The following DHX33 variants were observed in gnomAD, a reference collection of about 807,000 sequenced individuals.
DHX33 encodes DEAH-box helicase 33.
In DHX33, 42 loss-of-function variants were observed where a neutral mutation model predicts 72.5. That is an observed-to-expected ratio of 0.58 (90% CI 0.45 to 0.75). The LOEUF is 0.75. Among genes scored for constraint, DHX33 ranks in the 30% least tolerant of loss-of-function variants. The pLI, the probability that DHX33 is intolerant of heterozygous loss-of-function variation, is 0.00. For missense variants in DHX33, 842 were observed against 917.5 expected, an observed-to-expected ratio of 0.92 and a Z score of 1.06; for synonymous variants, 358 against 366.1, an observed-to-expected ratio of 0.98 and a Z score of 0.25.
intron 4 of DHX33, 44 bp downstream of exon 4, chr17:5,460,895 A>C: frequency 6.3e-7 from 1 of 1,577,692 alleles, no homozygotes; most frequent in Non-Finnish European, 8.6e-7. Context: ...TACCAACTGC[A>C]AGATAAAAGA....
chr17:5,445,369 G>A (rs1367365902), intron 11 of DHX33, among the ~76,000 whole-genome samples: 2 of 152,124 alleles, frequency 1.3e-5, no homozygotes, highest in African/African-American at 2.4e-5. Context: ...GTGAGCCACC[G>A]CGCCCGGCCT....
intron 4 of DHX33, 71 bp from the exon 5 acceptor site, chr17:5,456,253 G>T: frequency 1.4e-6 from 2 of 1,453,106 alleles, no homozygotes; most frequent in Non-Finnish European, 9.5e-7. Context: ...AGACAATGGT[G>T]ATTGATGATG....
At chr17:5,454,173 T>A (rs1006851736) in intron 6 of DHX33, among the ~76,000 whole-genome samples, 193 bp from the exon 7 acceptor site, 8 of 152,208 alleles carry the variant, frequency 5.3e-5, no homozygotes, top group Non-Finnish European at 8.8e-5. Flanking sequence ...GGCTTTGCCA[T>A]AAGCCCACTG....
In DHX33 at chr17:5,456,191, A is replaced by C. The variant is rs779361995; in HGVS notation, c.850-9T>G. The C allele has an allele frequency of 1.9e-6, 3 of 1,613,198 alleles. No individual in the cohort carries two copies. The African/African-American group carries it at 4.0e-5, about 22-fold the overall frequency. On this transcript the variant is annotated splice_polypyrimidine_tract_variant and intron_variant, in intron 4 of 11. Coordinates refer to ENST00000225296, the MANE Select transcript of DHX33 (RefSeq NM_020162.4). ...TGTGAAGAAGGGGCTTCCTGTAAAA[A>C]AAGTAGAGTGGGTTTACTAGGCATT...
chr17:5,461,798 C>T (rs1438291432), intron 3 of DHX33, among the ~76,000 whole-genome samples: 1 of 151,336 alleles, frequency 6.6e-6, no homozygotes, highest in East Asian at 2.0e-4. Flanking sequence ...ATCCACCGGC[C>T]TCGGCCTCCC....
rs1917131996 is a variant in DHX33, at chr17:5,455,158, A to C, written c.1147+2T>G. The C allele has an allele frequency of 6.8e-6, 11 of 1,611,282 alleles. No individual in the cohort carries two copies. The highest frequency in any genetic ancestry group is 9.3e-6 in the Non-Finnish European group (11 of 1,177,410). On this transcript the variant is annotated splice_donor_variant, in intron 6 of 11. Transcript: ENST00000225296. LOFTEE classifies it high-confidence loss of function. ...AGACATTCATGAACTACAAATTCTCACCAGGGTTATACTTCTTTGCTTTAA... is the reference window on the plus strand; with the variant it reads ...AGACATTCATGAACTACAAATTCTCCCCAGGGTTATACTTCTTTGCTTTAA...
chr17:5,445,593 GAACA>G (rs1249375546), intron 11 of DHX33, among the ~76,000 whole-genome samples: 1 of 152,224 alleles, frequency 6.6e-6, no homozygotes, highest in Non-Finnish European at 1.5e-5. Context: ...GGGCACAGAT[GAACA>G]AACCAGTGGT....
At position 5,468,770 on chromosome 17, in the gene DHX33, C is replaced by A. The variant is rs1453825625; in HGVS notation, c.90G>T (p.Arg30Ser). Reference sequence around the variant, plus strand: ...CCGCAGTCAGCAGCATCACCACTTGCCTCCCGGGAGGGAAGGACCCAGCGC... The same window carrying A: ...CCGCAGTCAGCAGCATCACCACTTGACTCCCGGGAGGGAAGGACCCAGCGC... The part of the protein sequence containing the change: ...PSRAGSFPPG[R>S]QVVMLLTAGS... The change falls in exon 1 of 12, where the codon AGG (arginine) becomes AGT (serine). Residue 30 changes from arginine to serine, a missense_variant. By Grantham distance (110) the Arg-to-Ser change is moderately radical. Transcript: ENST00000225296. 1 of 1,609,972 alleles carries A rather than the reference C, an allele frequency of 6.2e-7. No homozygotes were observed. The highest frequency in any genetic ancestry group is 2.2e-5 in the East Asian group (1 of 44,806).
chr17:5,445,917 T>C (rs1396960278), intron 11 of DHX33, among the ~76,000 whole-genome samples: 2 of 152,180 alleles, frequency 1.3e-5, no homozygotes, highest in Non-Finnish European at 2.9e-5. Context: ...CTTTATTTTG[T>C]CCTTTATGAT....
rs760878482 is a variant in DHX33 at position 5,450,812 on chromosome 17, C to A, written c.1519G>T (p.Ala507Ser). The A allele has an allele frequency of 1.1e-5, 18 of 1,614,014 alleles. No homozygotes were observed. Among genetic ancestry groups the A allele is most frequent in the Non-Finnish European group, 1.5e-5 (18 of 1,180,030 alleles). ...MAAFPLEPKF[A>S]KTILMSPKFH... ...GAGGAGAGGGTATCATTTACTTTGG[C>A]AAATTTGGGTTCTAAAGGAAATGCT... Residue 507 changes from alanine (A) to serine (S), a missense_variant, in exon 9 of 12, where the codon GCC becomes TCC. Transcript: ENST00000225296.
At position 5,456,078 on chromosome 17, in the gene DHX33, G is replaced by C; in HGVS notation, c.954C>G (p.Gly318=). 1 of 1,613,948 alleles carries C rather than the reference G, an allele frequency of 6.2e-7. No homozygotes were observed. The highest frequency in any genetic ancestry group is 8.5e-7 in the Non-Finnish European group (1 of 1,180,044). ...CRDIAKHLPD[G]CPAMLVLPLY... The stretch of plus-strand genomic sequence containing the variant: ...GAGGAAGGACCAGCATCGCAGGGCA[G>C]CCGTCTGGGAGGTGCTTTGCAATGT... Residue 318 remains glycine, a synonymous_variant, in exon 5 of 12, where the codon GGC becomes GGG. Transcript: ENST00000225296.
At position 5,441,147 on chromosome 17, in the gene DHX33, ACAGTTCCAGG is replaced by A. The variant is rs551989885; in HGVS notation, c.*3048_*3057del. On this transcript the variant is annotated 3_prime_UTR_variant, in exon 12 of 12. Transcript: ENST00000225296. Reference sequence around the variant, plus strand: ...TAAAGAAAAAAAAAAATGCATGGCCACAGTTCCAGGCAGTTCCTGGTAGCTGGATTTAGTG... The same window carrying A: ...TAAAGAAAAAAAAAAATGCATGGCCACAGTTCCTGGTAGCTGGATTTAGTG... The A allele has an allele frequency of 4.2e-5, 5 of 118,502 alleles. No individual in the cohort carries two copies. The highest frequency in any genetic ancestry group is 4.1e-4 in the South Asian group (1 of 2,430). The allele number at this position is 118,502 out of a possible 1,614,324, so 7.3% of individuals were successfully genotyped here. A position where few individuals can be genotyped will look rare whatever the true frequency, so the allele number is the denominator to read the frequency against.
rs896337357 is a variant in DHX33, at chr17:5,467,958, A to G, written c.289+613T>C. Among the ~76,000 whole-genome samples, 6 of 152,128 alleles carry G rather than the reference A, an allele frequency of 3.9e-5. No individual in the cohort carries two copies. In the East Asian group the frequency reaches 5.8e-4, roughly 15 times the overall value. ...CTCACATCCAAATCCAGTGGGCATC[A>G]CATCCAAGTCCAGTATAACCGGACT... On this transcript the variant is annotated intron_variant, in intron 1 of 11. Coordinates refer to ENST00000225296, the MANE Select transcript of DHX33 (RefSeq NM_020162.4).
At chr17:5,451,737 C>A (rs1014580003) in intron 8 of DHX33, among the ~76,000 whole-genome samples, 1 of 151,924 alleles carries the variant, frequency 6.6e-6, no homozygotes, top group Non-Finnish European at 1.5e-5. Context: ...ATATATACAT[C>A]CCAATAAGGA....
At chr17:5,456,245 A>T in intron 4 of DHX33, 63 bp from the exon 5 acceptor site, 1 of 1,517,000 alleles carries the variant, frequency 6.6e-7, no homozygotes, top group East Asian at 2.3e-5. Context: ...ACAGAAAAAG[A>T]CAATGGTGAT....
At chr17:5,460,870 G>A (rs1904565514) in intron 4 of DHX33, 69 bp downstream of exon 4, 3 of 1,517,232 alleles carry the variant, frequency 2.0e-6, no homozygotes, top group African/African-American at 2.8e-5. Context: ...TCTTTTCAAG[G>A]CTCAATGTTC....
chr17:5,450,775 A>C, intron 9 of DHX33, 32 bp downstream of exon 9: 1 of 1,613,988 alleles, frequency 6.2e-7, no homozygotes, highest in Non-Finnish European at 8.5e-7. Context: ...TGTAATGTAC[A>C]GAAAGAGGAC....
In DHX33 at chr17:5,444,021, G is replaced by A; in HGVS notation, c.*184C>T. On this transcript the variant is annotated 3_prime_UTR_variant, in exon 12 of 12. Coordinates refer to ENST00000225296, the MANE Select transcript of DHX33 (RefSeq NM_020162.4). This position sits in a 1 kb window ranked among gnomAD's most constrained non-coding sequence, Gnocchi z 4.9. ...AATTTTGAGGTTTCCAGGTACAAAT[G>A]ATATGTCCATGTCTATATGGTTCAG... 1.6e-6 allele frequency: 1 copy of A among 617,112 alleles called. No individual in the cohort carries two copies. The highest frequency in any genetic ancestry group is 2.9e-5 in the South Asian group (1 of 34,774). The allele number at this position is 617,112 out of a possible 1,614,324, so 38.2% of individuals were successfully genotyped here. A position where few individuals can be genotyped will look rare whatever the true frequency, so the allele number is the denominator to read the frequency against.
intron 4 of DHX33, among the ~76,000 whole-genome samples, chr17:5,460,647 C>G (rs1056622171): frequency 2.6e-5 from 4 of 152,010 alleles, no homozygotes; most frequent in Non-Finnish European, 5.9e-5. Context: ...GCTGGGATTA[C>G]AGGCACCCGC....
Sources: gnomAD v4.1 joint callset for allele counts (sites outside exome capture counted in the v4.1 genomes callset) on GRCh38, gnomAD v4.1.1 for gene constraint, Gnocchi (gnomAD v3.1) non-coding constraint, MANE v1.5 for transcripts, NCBI Gene and HGNC (gene_info 2026-07-23, HGNC 2026-07-21) for gene names.